Variants in MNAT1 observed in about 807,000 individuals in gnomAD.
MNAT1 encodes the protein CDK-activating kinase assembly factor MAT1.
Under a neutral mutation model 42.0 loss-of-function variants are expected in MNAT1, and 43 were observed. The observed-to-expected ratio is 1.02, with a 90% CI of 0.80 to 1.32. MNAT1 has a LOEUF of 1.32. MNAT1 is among the 40% of genes most tolerant of loss of function. The pLI is 0.00. For missense variants in MNAT1, 306 were observed against 350.4 expected, an observed-to-expected ratio of 0.87 and a Z score of 1.01; for synonymous variants, 118 against 120.0, an observed-to-expected ratio of 0.98 and a Z score of 0.11.
intron 3 of MNAT1, among the ~76,000 whole-genome samples, chr14:60,798,541 A>G (rs1032430404): frequency 6.6e-6 from 1 of 152,162 alleles, no homozygotes; most frequent in African/African-American, 2.4e-5. Flanking sequence ...CTAAAGCCAT[A>G]TGTTTATCAT....
At chr14:60,760,291 G>A (rs1753859479) in intron 1 of MNAT1, among the ~76,000 whole-genome samples, 1 of 151,786 alleles carries the variant, frequency 6.6e-6, no homozygotes, top group Non-Finnish European at 1.5e-5. Context: ...TTCTGTTGAT[G>A]GAAATTTAGA....
At chr14:60,900,699 C>T (rs2035054815) in intron 7 of MNAT1, among the ~76,000 whole-genome samples, 1 of 151,950 alleles carries the variant, frequency 6.6e-6, no homozygotes, top group African/African-American at 2.4e-5. Flanking sequence ...AAGGAGATGC[C>T]ATCTAGGATT....
intron 7 of MNAT1, among the ~76,000 whole-genome samples, chr14:60,908,791 A>G (rs1387982330): frequency 6.6e-6 from 1 of 152,236 alleles, no homozygotes; most frequent in African/African-American, 2.4e-5. Context: ...ATACATGAGC[A>G]TGTGTCTTTA....
chr14:60,779,948 G>T, intron 1 of MNAT1: 1 of 1,463,982 alleles, frequency 6.8e-7, no homozygotes. Context: ...GCGTGCCTTT[G>T]TTTGTGTCCC....
intron 1 of MNAT1, among the ~76,000 whole-genome samples, chr14:60,741,422 C>T (rs892451241): frequency 3.3e-5 from 5 of 151,848 alleles, no homozygotes; most frequent in Admixed American, 6.6e-5. Flanking sequence ...TGCAGTGGCG[C>T]GATCTCAGCT....
chr14:60,844,847 T>G (rs562437248), intron 6 of MNAT1, among the ~76,000 whole-genome samples: 5 of 152,216 alleles, frequency 3.3e-5, no homozygotes, highest in Non-Finnish European at 5.9e-5. Flanking sequence ...GAGTAGATGT[T>G]GAATTCTGTC....
Position 60,790,949 on chromosome 14 carries a change from A to C in MNAT1, c.90-5268A>C, listed in dbSNP as rs192612900. On this transcript the variant is annotated intron_variant, in intron 1 of 7. Transcript: ENST00000261245. ...TCCATAAAGGATTTAAATTTGGCTTAGGAGTTTTCTGGCAAAGGGGCAAAA... is the reference window on the plus strand; with the variant it reads ...TCCATAAAGGATTTAAATTTGGCTTCGGAGTTTTCTGGCAAAGGGGCAAAA... Among the ~76,000 whole-genome samples the C allele has an allele frequency of 4.6e-5, 7 of 152,326 alleles. No individual in the cohort carries two copies. The East Asian group carries it at 1.3e-3, about 29-fold the overall frequency.
Position 60,861,007 on chromosome 14 carries a change from A to G in MNAT1, c.688-18707A>G, listed in dbSNP as rs548446208. ...AGGCCTTAGGCATTTAAAAAATACC[A>G]CCAGTGCTGACATAATATGAGAACA... is the stretch of plus-strand genomic sequence containing the variant. On this transcript the variant is annotated intron_variant, in intron 6 of 7. Coordinates refer to ENST00000261245, the MANE Select transcript of MNAT1 (RefSeq NM_002431.4). Among the ~76,000 whole-genome samples the G allele has an allele frequency of 1.6e-4, 25 of 152,256 alleles. No homozygotes were observed. In the East Asian group the frequency reaches 4.4e-3, roughly 27 times the overall value.
chr14:60,844,259 A>T (rs1356018611), intron 6 of MNAT1, among the ~76,000 whole-genome samples: 1 of 152,132 alleles, frequency 6.6e-6, no homozygotes, highest in East Asian at 1.9e-4. Context: ...AGTTTTTACA[A>T]AAATTCTTGG....
At chr14:60,804,351 T>G (rs1311902384) in intron 3 of MNAT1, among the ~76,000 whole-genome samples, 1 of 152,220 alleles carries the variant, frequency 6.6e-6, no homozygotes, top group African/African-American at 2.4e-5. Flanking sequence ...TGAAAACTTT[T>G]AAAATAGTAA....
intron 6 of MNAT1, among the ~76,000 whole-genome samples, chr14:60,875,225 A>G (rs1405176880): frequency 6.6e-6 from 1 of 152,148 alleles, no homozygotes; most frequent in African/African-American, 2.4e-5. Context: ...ACTTACGGCC[A>G]TTAAAACTTT....
At chr14:60,961,281 C>G (rs1240655380) in intron 7 of MNAT1, among the ~76,000 whole-genome samples, 1 of 152,178 alleles carries the variant, frequency 6.6e-6, no homozygotes, top group African/African-American at 2.4e-5. Flanking sequence ...CTAATAATAA[C>G]TTTTCAGTGG....
chr14:60,909,384 A>G (rs1053805006), intron 7 of MNAT1, among the ~76,000 whole-genome samples: 8 of 152,220 alleles, frequency 5.3e-5, no homozygotes, highest in African/African-American at 1.9e-4. Context: ...TGTTTTAAAC[A>G]TGAAGTCCTT....
At chr14:60,932,478 G>T in intron 7 of MNAT1, among the ~76,000 whole-genome samples, 1 of 151,734 alleles carries the variant, frequency 6.6e-6, no homozygotes. Flanking sequence ...TTAAAGACAT[G>T]GTTAAATAAT....
chr14:60,950,221 A>C (rs937155920), intron 7 of MNAT1, among the ~76,000 whole-genome samples: 4 of 152,088 alleles, frequency 2.6e-5, no homozygotes, highest in African/African-American at 9.7e-5. Flanking sequence ...GTCCTGTTTG[A>C]ATTTTTTGTT....
At chr14:60,810,561 G>A (rs2032510284) in intron 4 of MNAT1, among the ~76,000 whole-genome samples, 1 of 151,922 alleles carries the variant, frequency 6.6e-6, no homozygotes. Flanking sequence ...TTGTCCTGAG[G>A]TATTTTCTAA....
chr14:60,791,642 C>T (rs2031820852), intron 1 of MNAT1, among the ~76,000 whole-genome samples: 1 of 152,210 alleles, frequency 6.6e-6, no homozygotes, highest in Non-Finnish European at 1.5e-5. Flanking sequence ...AAATGATTAT[C>T]GTAGACAAAG....
chr14:60,924,290 T>C (rs1415181934), intron 7 of MNAT1, among the ~76,000 whole-genome samples: 1 of 151,824 alleles, frequency 6.6e-6, no homozygotes, highest in Non-Finnish European at 1.5e-5. Context: ...TTTATTGATA[T>C]GTCACATACA....
At chr14:60,841,412 A>G (rs1044259244) in intron 6 of MNAT1, among the ~76,000 whole-genome samples, 11 of 151,716 alleles carry the variant, frequency 7.3e-5, no homozygotes, top group Non-Finnish European at 1.2e-4. Context: ...TACAACACAT[A>G]AAGTTGTGTG....
Sources: gnomAD v4.1 joint callset for allele counts (sites outside exome capture counted in the v4.1 genomes callset) on GRCh38, gnomAD v4.1.1 for gene constraint, MANE v1.5 for transcripts, NCBI Gene and HGNC (gene_info 2026-07-23, HGNC 2026-07-21) for gene names.